The following ABITRAM variants were observed in gnomAD, a reference collection of about 807,000 sequenced individuals.
The protein encoded by ABITRAM is protein Abitram.
In ABITRAM, 19 loss-of-function variants were observed where a neutral mutation model predicts 22.9. That is an observed-to-expected ratio of 0.83 (90% CI 0.58 to 1.22). The LOEUF (loss-of-function observed/expected upper bound fraction) is 1.22, where lower values mean the gene tolerates loss of function less well. Ranked by LOEUF, ABITRAM falls within the 50% of genes most tolerant of loss-of-function variation. The pLI is 0.00. For synonymous variants in ABITRAM, 70 were observed against 73.9 expected, an observed-to-expected ratio of 0.95 and a Z score of 0.27; for missense variants, 215 against 220.2, an observed-to-expected ratio of 0.98 and a Z score of 0.15.
At chr9:108,936,491 A>G (rs1830189074) in intron 3 of ABITRAM, 54 bp downstream of exon 3, 6 of 1,569,330 alleles carry the variant, frequency 3.8e-6, no homozygotes, top group Non-Finnish European at 5.2e-6. Flanking sequence ...ATTCATGGTA[A>G]TGACAGATCC....
At chr9:108,941,844 A>G (rs893818824), downstream of ABITRAM, among the ~76,000 whole-genome samples, 1 of 152,202 alleles carries the variant, frequency 6.6e-6, no homozygotes. Flanking sequence ...TATAAACCAG[A>G]TCCTTCAATC....
At chr9:108,950,507 A>G in exon 4 of ABITRAM, 1 of 1,547,950 alleles carries the variant, frequency 6.5e-7, no homozygotes, top group East Asian at 2.4e-5. Flanking sequence ...CTTTTTCCAG[A>G]GAATTATCTA....
rs1830239614 is a variant in ABITRAM at position 108,940,266 on chromosome 9, T to C, written c.*580T>C. 1.3e-5 allele frequency: 2 copies of C among 152,308 alleles called. No homozygotes were observed. The highest frequency in any genetic ancestry group is 4.1e-4 in the South Asian group (2 of 4,836). 9.4% of individuals were successfully genotyped at this position (152,308 alleles called of 1,614,324 possible). On this transcript the variant is annotated 3_prime_UTR_variant, in exon 6 of 6. Transcript: ENST00000322940. Reference sequence around the variant, plus strand: ...GGATTTGGGTATATGTGGAAGTTCCTGGAACCAATCCCCTATGTAAACCAA... The same window carrying C: ...GGATTTGGGTATATGTGGAAGTTCCCGGAACCAATCCCCTATGTAAACCAA...
At chr9:108,947,715 T>C (rs1262035419) in intron 3 of ABITRAM, among the ~76,000 whole-genome samples, 1 of 152,208 alleles carries the variant, frequency 6.6e-6, no homozygotes, top group African/African-American at 2.4e-5. Flanking sequence ...TAAATCATCA[T>C]GAATACTGAA....
intron 1 of ABITRAM, among the ~76,000 whole-genome samples, chr9:108,935,014 A>G (rs1830155348): frequency 1.3e-5 from 2 of 152,134 alleles, no homozygotes; most frequent in Non-Finnish European, 2.9e-5. Context: ...ATTTAGAAAG[A>G]AGAAGAATCT....
chr9:108,936,193 G>A (rs1327622552), intron 2 of ABITRAM, 115 bp from the exon 3 acceptor site: 2 of 1,148,862 alleles, frequency 1.7e-6, no homozygotes, highest in Admixed American at 2.2e-5. Flanking sequence ...GAAAAAGGGG[G>A]AAGATGATAG....
rs551105843 is a variant in ABITRAM at position 108,934,475 on chromosome 9, C to T, written c.-12C>T. On this transcript the variant is annotated 5_prime_UTR_variant, in exon 1 of 6. Coordinates refer to ENST00000322940, the MANE Select transcript of ABITRAM (RefSeq NM_017832.4). ...GTCCCGGAGGGCGGGGGTGGCGGCG[C>T]CGGAGGTCGCCATGGCTACCGAGCC... The T allele has an allele frequency of 6.3e-6, 10 of 1,594,230 alleles. No individual in the cohort carries two copies. Among genetic ancestry groups the T allele is most frequent in the South Asian group, 2.3e-5 (2 of 88,662 alleles).
chr9:108,940,708 C>T lies in ABITRAM; in HGVS notation c.*1022C>T, dbSNP rs1371608663. 2.6e-5 allele frequency: 4 copies of T among 152,156 alleles called. No individual in the cohort carries two copies. Among genetic ancestry groups the T allele is most frequent in the Non-Finnish European group, 5.9e-5 (4 of 68,026 alleles). 9.4% of individuals were successfully genotyped at this position (152,156 alleles called of 1,614,324 possible). A position where few individuals can be genotyped will look rare whatever the true frequency, so the allele number is the denominator to read the frequency against. Reference sequence around the variant, plus strand: ...CATTATAGTTACTCAGTCTCACATACTCTAGTTACTGGCAAAGAAGTTACT... The same window carrying T: ...CATTATAGTTACTCAGTCTCACATATTCTAGTTACTGGCAAAGAAGTTACT... On this transcript the variant is annotated 3_prime_UTR_variant, in exon 6 of 6. Coordinates refer to ENST00000322940, the MANE Select transcript of ABITRAM (RefSeq NM_017832.4).
rs1050266328 is a variant in ABITRAM, at chr9:108,936,322, C to G, written c.146C>G (p.Thr49Arg). The G allele has an allele frequency of 5.6e-6, 9 of 1,613,402 alleles. No individual in the cohort carries two copies. In the Admixed American group the frequency reaches 1.0e-4, roughly 18 times the overall value. The change falls in exon 3 of 6, where the codon ACA (threonine) becomes AGA (arginine). Residue 49 changes from threonine to arginine, a missense_variant. By Grantham distance (71) the Thr-to-Arg change is moderately conservative. Transcript: ENST00000322940. ...TCTCCTTGTAGAATATGTGTCATCA[C>G]ATTGGCAGAATCTCATCCAGTTCTT... The part of the protein sequence containing the change: ...LQHSNRICVI[T>R]LAESHPVLQS...
chr9:108,946,263 C>T (rs545616694), intron 3 of ABITRAM, among the ~76,000 whole-genome samples: 15 of 149,438 alleles, frequency 1.0e-4, no homozygotes, highest in African/African-American at 3.7e-4. Context: ...CGTGCCACTG[C>T]ACTCCAGCCT....
At chr9:108,941,014 A>G (rs1462784975), downstream of ABITRAM, 1 of 152,140 alleles carries the variant, frequency 6.6e-6, no homozygotes, top group African/African-American at 2.4e-5. Context: ...TTGAAGTCAT[A>G]AGTTACCCCT....
At chr9:108,942,362 C>G (rs1246246661), downstream of ABITRAM, among the ~76,000 whole-genome samples, 1 of 152,110 alleles carries the variant, frequency 6.6e-6, no homozygotes, top group Non-Finnish European at 1.5e-5. Context: ...TAAGGAAAAC[C>G]CTGCATTCAC....
chr9:108,938,864 T>G (rs1017981203), intron 3 of ABITRAM, among the ~76,000 whole-genome samples: 4 of 152,320 alleles, frequency 2.6e-5, no homozygotes, highest in Admixed American at 1.3e-4. Flanking sequence ...TTATATTGTT[T>G]CTTGTTGATG....
At chr9:108,939,312 A>G in intron 4 of ABITRAM, 40 bp downstream of exon 4, 4 of 1,593,276 alleles carry the variant, frequency 2.5e-6, no homozygotes, top group Non-Finnish European at 3.4e-6. Context: ...GACCAAAGGG[A>G]GGTAATTTTT....
chr9:108,942,883 A>AT (rs755149193), downstream of ABITRAM: 1 of 1,610,892 alleles, frequency 6.2e-7, no homozygotes, highest in Non-Finnish European at 8.5e-7. Context: ...TGAAAAAAAA[A>AT]TTACAAAATT....
chr9:108,944,877 G>T (rs1482422449), downstream of ABITRAM, among the ~76,000 whole-genome samples: 1 of 152,098 alleles, frequency 6.6e-6, no homozygotes. Context: ...GCTATCACTG[G>T]ATAAAATGAT....
At chr9:108,935,061 A>C (rs1428222527) in intron 1 of ABITRAM, among the ~76,000 whole-genome samples, 1 of 152,208 alleles carries the variant, frequency 6.6e-6, no homozygotes, top group Non-Finnish European at 1.5e-5. Context: ...TGCCACTTAG[A>C]AGTAGGTATT....
chr9:108,942,629 A>G (rs28361184), downstream of ABITRAM: 14 of 630,878 alleles, frequency 2.2e-5, no homozygotes, highest in Admixed American at 1.5e-4. Flanking sequence ...AATCAGTTTC[A>G]TGATCAGAAA....
chr9:108,938,689 A>AAGGGGG (rs1830217542), intron 3 of ABITRAM, among the ~76,000 whole-genome samples: 1 of 117,340 alleles, frequency 8.5e-6, no homozygotes, highest in South Asian at 3.3e-4. Flanking sequence ...GGGAATTACA[A>AAGGGGG]AGGGGGGGGG....
Sources: gnomAD v4.1 joint callset for allele counts (sites outside exome capture counted in the v4.1 genomes callset) on GRCh38, gnomAD v4.1.1 for gene constraint, MANE v1.5 for transcripts, NCBI Gene and HGNC (gene_info 2026-07-23, HGNC 2026-07-21) for gene names.